CASQ2: variants seen among roughly 807,000 people sequenced by gnomAD.
CASQ2 encodes the protein calsequestrin-2.
CASQ2 carries 49 observed loss-of-function variants against 46.5 expected under a neutral mutation model. That is an observed-to-expected ratio of 1.05 (90% CI 0.84 to 1.34). The LOEUF is 1.34. Ranked by LOEUF, CASQ2 falls within the 40% of genes most tolerant of loss-of-function variation. CASQ2 has a pLI of 0.00. For synonymous variants in CASQ2, 174 were observed against 168.5 expected, an observed-to-expected ratio of 1.03 and a Z score of -0.25; for missense variants, 486 against 481.3, an observed-to-expected ratio of 1.01 and a Z score of -0.09.
At chr1:115,727,254 G>A in intron 5 of CASQ2, 132 bp from the exon 6 acceptor site, 3 of 711,338 alleles carry the variant, frequency 4.2e-6, no homozygotes, top group Non-Finnish European at 7.4e-6. Context: ...TAACTTCAAT[G>A]TTGAAGTGAC....
intron 8 of CASQ2, among the ~76,000 whole-genome samples, chr1:115,713,973 C>T (rs538146472): frequency 6.6e-6 from 1 of 152,270 alleles, no homozygotes; most frequent in East Asian, 1.9e-4. Context: ...TGGTGAAGGG[C>T]AATAGAGAGG....
intron 7 of CASQ2, among the ~76,000 whole-genome samples, chr1:115,723,506 C>A (rs1264463545): frequency 1.3e-5 from 2 of 152,026 alleles, no homozygotes; most frequent in South Asian, 2.1e-4. Context: ...ACTATTATAT[C>A]TTTTTGCTAT....
intron 1 of CASQ2, among the ~76,000 whole-genome samples, chr1:115,761,034 A>G (rs1648916241): frequency 6.6e-6 from 1 of 152,080 alleles, no homozygotes; most frequent in Non-Finnish European, 1.5e-5. Context: ...GGTTGATTTT[A>G]TAGATGATTT....
chr1:115,740,694 G>T, intron 3 of CASQ2, 34 bp downstream of exon 3: 1 of 1,305,644 alleles, frequency 7.7e-7, no homozygotes, highest in Non-Finnish European at 1.1e-6. Flanking sequence ...AGGAGAGGCA[G>T]CTCCATGCAG....
At chr1:115,766,171 A>G (rs1370032946) in intron 1 of CASQ2, among the ~76,000 whole-genome samples, 1 of 152,208 alleles carries the variant, frequency 6.6e-6, no homozygotes, top group Non-Finnish European at 1.5e-5. Flanking sequence ...ACCCGGGTCC[A>G]GAGGCTGAGC....
In CASQ2 at chr1:115,725,731, G is replaced by A. The variant is rs1018227257; in HGVS notation, c.738-178C>T. Among the ~76,000 whole-genome samples, 6 of 152,250 alleles carry A rather than the reference G, an allele frequency of 3.9e-5. No individual in the cohort carries two copies. The East Asian group carries it at 5.8e-4, about 15-fold the overall frequency. ...GGAAACAGACCTGCTCTACTCTGCTGTGTCAGACAGCGAGCTGGGCCAAGG... is the reference window on the plus strand; with the variant it reads ...GGAAACAGACCTGCTCTACTCTGCTATGTCAGACAGCGAGCTGGGCCAAGG... On this transcript the variant is annotated intron_variant, in intron 6 of 10. Coordinates refer to ENST00000261448, the MANE Select transcript of CASQ2 (RefSeq NM_001232.4).
intron 1 of CASQ2, among the ~76,000 whole-genome samples, chr1:115,751,446 A>G (rs1570848349): frequency 6.6e-6 from 1 of 151,856 alleles, no homozygotes; most frequent in Non-Finnish European, 1.5e-5. Flanking sequence ...AGGCAGGCGG[A>G]ACACGAGGTC....
chr1:115,704,099 T>A (rs1009511480), intron 9 of CASQ2, among the ~76,000 whole-genome samples: 1 of 152,192 alleles, frequency 6.6e-6, no homozygotes, highest in Admixed American at 6.5e-5. Flanking sequence ...TGGTCTCAAG[T>A]GTCATGGAAG....
chr1:115,732,833 G>A (rs1647833414), intron 5 of CASQ2, 68 bp downstream of exon 5: 9 of 1,060,552 alleles, frequency 8.5e-6, no homozygotes, highest in Admixed American at 5.1e-5. Flanking sequence ...AGAAAGAGTG[G>A]TGAGAGTTCA....
intron 1 of CASQ2, among the ~76,000 whole-genome samples, chr1:115,763,501 C>G (rs570661561): frequency 6.6e-6 from 1 of 152,268 alleles, no homozygotes; most frequent in South Asian, 2.1e-4. Context: ...ATTTCCAGTA[C>G]CCAGCTCCCA....
intron 9 of CASQ2, 120 bp downstream of exon 9, chr1:115,705,072 G>A (rs554289738): frequency 1.3e-6 from 1 of 769,468 alleles, no homozygotes; most frequent in South Asian, 1.4e-5. Context: ...TCCCACACTG[G>A]GTGAGGACCG....
chr1:115,702,850 A>G, intron 10 of CASQ2, 71 bp downstream of exon 10: 1 of 1,191,392 alleles, frequency 8.4e-7, no homozygotes, highest in African/African-American at 1.5e-5. Flanking sequence ...ATGCTCTCAC[A>G]ATCTAAGCTG....
intron 1 of CASQ2, among the ~76,000 whole-genome samples, chr1:115,747,749 T>C (rs1251196980): frequency 3.3e-5 from 5 of 152,338 alleles, no homozygotes; most frequent in South Asian, 2.1e-4. Context: ...TTGTATTGTA[T>C]TTTTAATTTT....
chr1:115,760,193 T>C (rs1280319951), intron 1 of CASQ2, among the ~76,000 whole-genome samples: 1 of 152,194 alleles, frequency 6.6e-6, no homozygotes, highest in Admixed American at 6.5e-5. Flanking sequence ...TTCTGAAGAA[T>C]GAATGATCCA....
intron 1 of CASQ2, among the ~76,000 whole-genome samples, chr1:115,767,455 T>G (rs1649171706): frequency 6.6e-6 from 1 of 152,222 alleles, no homozygotes; most frequent in African/African-American, 2.4e-5. Context: ...GTTAATAAAC[T>G]GTAATTCTCA....
At position 115,702,993 on chromosome 1, in the gene CASQ2, G is replaced by C. The variant is rs776904733; in HGVS notation, c.942C>G (p.Leu314=). 3.1e-6 allele frequency: 5 copies of C among 1,611,962 alleles called. No individual in the cohort carries two copies. The South Asian group carries it at 4.4e-5, about 14-fold the overall frequency. ...LWIDPDDFPL[L]VAYWEKTFKI... The stretch of plus-strand genomic sequence containing the variant: ...TGAAAGTCTTCTCCCAGTAGGCAAC[G>C]AGCTGCAGCAACAAAAAAATAAGAT... The change falls in exon 10 of 11, where the codon CTC becomes CTG. Residue 314 remains leucine (L), a splice_region_variant and synonymous_variant. Transcript: ENST00000261448.
At chr1:115,728,123 T>C (rs1354637269) in intron 5 of CASQ2, among the ~76,000 whole-genome samples, 3 of 152,172 alleles carry the variant, frequency 2.0e-5, no homozygotes, top group African/African-American at 7.2e-5. Flanking sequence ...GCTGATGCAC[T>C]GTGGTGGTAA....
At chr1:115,708,886 C>T (rs888920853) in intron 8 of CASQ2, among the ~76,000 whole-genome samples, 5 of 152,210 alleles carry the variant, frequency 3.3e-5, no homozygotes, top group African/African-American at 1.2e-4. Context: ...GGGGCAGCTC[C>T]TTCCAGCTCC....
intron 1 of CASQ2, among the ~76,000 whole-genome samples, chr1:115,755,161 A>T (rs1189162937): frequency 6.6e-6 from 1 of 152,246 alleles, no homozygotes; most frequent in Non-Finnish European, 1.5e-5. Flanking sequence ...CTGTCCCTGA[A>T]GGCCAGGTTT....
Sources: gnomAD v4.1 joint callset for allele counts (sites outside exome capture counted in the v4.1 genomes callset) on GRCh38, gnomAD v4.1.1 for gene constraint, MANE v1.5 for transcripts, NCBI Gene and HGNC (gene_info 2026-07-23, HGNC 2026-07-21) for gene names.